The following PAM variants were observed in gnomAD, a reference collection of about 807,000 sequenced individuals.
PAM encodes the protein peptidyl-glycine alpha-amidating monooxygenase.
A neutral mutation model predicts 122.1 loss-of-function variants in PAM; 72 were observed. The ratio of observed to expected loss-of-function variants is 0.59; its 90% CI spans 0.49 to 0.72. The LOEUF is 0.72. Among genes scored for constraint, PAM ranks in the 30% least tolerant of loss-of-function variants. The pLI is 0.00. For synonymous variants in PAM, 389 were observed against 404.4 expected, an observed-to-expected ratio of 0.96 and a Z score of 0.46; for missense variants, 1,106 against 1,183.7, an observed-to-expected ratio of 0.93 and a Z score of 0.96.
intron 1 of PAM, among the ~76,000 whole-genome samples, chr5:102,802,281 A>G (rs1397897237): frequency 6.6e-6 from 1 of 152,184 alleles, no homozygotes; most frequent in Non-Finnish European, 1.5e-5. Flanking sequence ...TGATTTTTAG[A>G]TTCAAAACAT....
At chr5:102,887,273 G>A (rs948992518) in intron 3 of PAM, among the ~76,000 whole-genome samples, 11 of 151,908 alleles carry the variant, frequency 7.2e-5, no homozygotes, top group African/African-American at 2.4e-4. Flanking sequence ...TGCGTTGTTC[G>A]AAATTGTGCC....
chr5:102,897,143 A>G (rs563034599), intron 3 of PAM, among the ~76,000 whole-genome samples: 2 of 151,806 alleles, frequency 1.3e-5, no homozygotes, highest in South Asian at 2.1e-4. Flanking sequence ...TTGGATGGGT[A>G]GAACTACCAA....
In PAM at chr5:102,770,143, T is replaced by G. The variant is rs115413967; in HGVS notation, c.-374+14795T>G. Among the ~76,000 whole-genome samples the G allele has an allele frequency of 7.3e-3, 1,115 of 152,252 alleles. 10 individuals carry two copies. The highest frequency in any genetic ancestry group is 0.013 in the Non-Finnish European group (872 of 67,984). ...TTTAATAGGATTTTAAAAAATTTCTTCTTCAGATTGTTTGGCTGTTGGTAT... is the reference window on the plus strand; with the variant it reads ...TTTAATAGGATTTTAAAAAATTTCTGCTTCAGATTGTTTGGCTGTTGGTAT... On this transcript the variant is annotated intron_variant, in intron 1 of 25. Transcript: ENST00000438793.
At chr5:102,782,558 T>C (rs563213586) in intron 1 of PAM, among the ~76,000 whole-genome samples, 22 of 152,330 alleles carry the variant, frequency 1.4e-4, no homozygotes, top group Middle Eastern at 3.4e-3. Flanking sequence ...CATGCAAATC[T>C]TTCAAACATA....
At chr5:102,975,045 A>C (rs1260137616) in intron 15 of PAM, among the ~76,000 whole-genome samples, 1 of 152,226 alleles carries the variant, frequency 6.6e-6, no homozygotes, top group Non-Finnish European at 1.5e-5. Flanking sequence ...TAGCCCAAAT[A>C]GGCTTCCATA....
intron 1 of PAM, among the ~76,000 whole-genome samples, chr5:102,799,093 G>T (rs1764067704): frequency 6.6e-6 from 1 of 152,182 alleles, no homozygotes; most frequent in African/African-American, 2.4e-5. Flanking sequence ...CTGAAGAATA[G>T]GGTAGGTGAT....
At position 102,901,434 on chromosome 5, in the gene PAM, G is replaced by A. The variant is rs775258619; in HGVS notation, c.268+21G>A. The A allele has an allele frequency of 2.1e-6, 3 of 1,406,110 alleles. No individual in the cohort carries two copies. The East Asian group carries it at 6.9e-5, about 32-fold the overall frequency. The allele number at this position is 1,406,110 out of a possible 1,614,324, so 87.1% of individuals were successfully genotyped here. A position where few individuals can be genotyped will look rare whatever the true frequency, so the allele number is the denominator to read the frequency against. On this transcript the variant is annotated intron_variant, in intron 4 of 25. Transcript: ENST00000438793. ...CGTGAGTAAGTATTAATTGGATTGG[G>A]GGAGTAGCAGTTTAATGGAGGGCAG...
intron 1 of PAM, among the ~76,000 whole-genome samples, chr5:102,848,390 AGG>A (rs1780484845): frequency 6.6e-6 from 1 of 152,232 alleles, no homozygotes; most frequent in South Asian, 2.1e-4. Context: ...CTTACATGAA[AGG>A]GTTAACCCTT....
intron 1 of PAM, among the ~76,000 whole-genome samples, chr5:102,774,809 A>G (rs1182019506): frequency 6.6e-6 from 1 of 152,044 alleles, no homozygotes; most frequent in Non-Finnish European, 1.5e-5. Flanking sequence ...TAAATGGTGG[A>G]TTATTTTTTA....
Position 102,949,603 on chromosome 5 carries a change from A to G in PAM, c.710A>G (p.His237Arg). The G allele has an allele frequency of 6.9e-7, 1 of 1,452,242 alleles. No homozygotes were observed. The allele number at this position is 1,452,242 out of a possible 1,614,324, so 90.0% of individuals were successfully genotyped here. A position where few individuals can be genotyped will look rare whatever the true frequency, so the allele number is the denominator to read the frequency against. Reference sequence around the variant, plus strand: ...ATGCATGTCTTTGCCTATAGAGTTCACACTCACCATTTAGGTAAGAACTTT... The same window carrying G: ...ATGCATGTCTTTGCCTATAGAGTTCGCACTCACCATTTAGGTAAGAACTTT... ...YPMHVFAYRV[H>R]THHLGKVVSG... The change falls in exon 10 of 26, where the codon CAC (histidine) becomes CGC (arginine). Residue 237 changes from histidine (H) to arginine (R), a missense_variant. Physicochemically the swap from His to Arg is conservative, Grantham distance 29. Around this residue, in one of 3 missense-constraint regions of PAM, gnomAD observed 670 missense variants for 690.3 expected, o/e 0.97. Transcript: ENST00000438793.
chr5:102,846,405 A>G (rs1039338312), intron 1 of PAM, among the ~76,000 whole-genome samples: 3 of 152,122 alleles, frequency 2.0e-5, no homozygotes, highest in African/African-American at 7.2e-5. Context: ...AACTACTTGT[A>G]ATTTTAAAAA....
intron 23 of PAM, among the ~76,000 whole-genome samples, chr5:103,023,390 C>G (rs957335954): frequency 1.3e-5 from 2 of 151,976 alleles, no homozygotes; most frequent in Non-Finnish European, 2.9e-5. Context: ...TAAATGCCAA[C>G]CTACATCTTT....
At chr5:102,912,977 T>C (rs1036320726) in intron 4 of PAM, among the ~76,000 whole-genome samples, 2 of 152,050 alleles carry the variant, frequency 1.3e-5, no homozygotes, top group Non-Finnish European at 2.9e-5. Context: ...TTTTTTGTTT[T>C]ATAAGTACTC....
chr5:102,800,353 G>A (rs1054574936), intron 1 of PAM, among the ~76,000 whole-genome samples: 4 of 152,154 alleles, frequency 2.6e-5, no homozygotes, highest in African/African-American at 9.7e-5. Flanking sequence ...GTTCTTCAGA[G>A]CCATTTTGCA....
chr5:102,795,758 G>T (rs1460983212), intron 1 of PAM, among the ~76,000 whole-genome samples: 1 of 152,132 alleles, frequency 6.6e-6, no homozygotes. Flanking sequence ...GTATAATTTG[G>T]TCTTCAGCCA....
intron 12 of PAM, among the ~76,000 whole-genome samples, chr5:102,954,484 T>C (rs1760067587): frequency 6.6e-6 from 1 of 151,574 alleles, no homozygotes; most frequent in African/African-American, 2.4e-5. Context: ...ATATGAGATA[T>C]ATTAATAAAT....
intron 3 of PAM, among the ~76,000 whole-genome samples, chr5:102,877,135 T>C (rs1337462746): frequency 5.3e-5 from 8 of 152,228 alleles, no homozygotes. Context: ...ACTTTAGTTT[T>C]CTCATCTGTA....
At chr5:102,883,820 C>T (rs938260248) in intron 3 of PAM, among the ~76,000 whole-genome samples, 3 of 151,798 alleles carry the variant, frequency 2.0e-5, no homozygotes, top group African/African-American at 2.4e-5. Context: ...TTCAACTTTT[C>T]CCCATTCAGT....
intron 1 of PAM, among the ~76,000 whole-genome samples, chr5:102,789,660 A>C (rs1431572781): frequency 6.6e-6 from 1 of 152,088 alleles, no homozygotes; most frequent in Non-Finnish European, 1.5e-5. Flanking sequence ...GTTACTATTT[A>C]ATAGGTACAG....
Sources: allele counts gnomAD v4.1 joint callset (sites outside exome capture counted in the v4.1 genomes callset), GRCh38; gene constraint gnomAD v4.1.1; regional missense constraint gnomAD v4.1.1; transcripts MANE v1.5; gene names NCBI Gene and HGNC (gene_info 2026-07-23, HGNC 2026-07-21).